Variants in POLA1 observed in about 807,000 individuals in gnomAD.
The protein encoded by POLA1 is DNA polymerase alpha 1, catalytic subunit, also known as DNA polymerase alpha catalytic subunit.
POLA1 carries 15 observed loss-of-function variants against 124.0 expected under a neutral mutation model. The observed-to-expected ratio is 0.12, with a 90% CI of 0.08 to 0.19. The LOEUF (loss-of-function observed/expected upper bound fraction) is 0.19. Ranked by LOEUF, POLA1 falls within the 10% of genes least tolerant of loss-of-function variation. The pLI is 1.00. For missense variants in POLA1, 886 were observed against 1,103.4 expected, an observed-to-expected ratio of 0.80 and a Z score of 2.79; for synonymous variants, 408 against 389.4, an observed-to-expected ratio of 1.05 and a Z score of -0.56.
Position 24,699,407 on chromosome X carries a change from T to C in POLA1, c.44-18T>C, listed in dbSNP as rs1305447590. On this transcript the variant is annotated intron_variant, in intron 1 of 36. Coordinates refer to ENST00000379068, the MANE Select transcript of POLA1 (RefSeq NM_001330360.2). ...ACAATTTTGTAACATCTGTTGTAAATTTTTTTTCTTTTTTCAGCTCTGTCA... is the reference window on the plus strand; with the variant it reads ...ACAATTTTGTAACATCTGTTGTAAACTTTTTTTCTTTTTTCAGCTCTGTCA... The C allele has an allele frequency of 2.7e-6, 3 of 1,125,455 alleles. No individual in the cohort carries two copies. The highest frequency in any genetic ancestry group is 3.6e-5 in the African/African-American group (2 of 54,866). The allele number at this position is 1,125,455 out of a possible 1,213,427, so 92.8% of individuals were successfully genotyped here.
intron 25 of POLA1, 142 bp from the exon 26 acceptor site, chrX:24,748,728 G>A (rs1276686017): frequency 4.7e-6 from 3 of 637,418 alleles, no homozygotes; most frequent in Non-Finnish European, 4.8e-6. Context: ...GGATCCAGGA[G>A]AATGGGTTGA....
At chrX:24,847,759 G>C (rs1372726048) in intron 34 of POLA1, among the ~76,000 whole-genome samples, 2 of 112,082 alleles carry the variant, frequency 1.8e-5, no homozygotes, top group Non-Finnish European at 3.8e-5. Context: ...AGAAGTACGT[G>C]TATCTTGATG....
chrX:24,881,692 C>A (rs1284583286), intron 34 of POLA1, among the ~76,000 whole-genome samples: 1 of 111,588 alleles, frequency 9.0e-6, no homozygotes, highest in African/African-American at 3.3e-5. Flanking sequence ...GGTTAAGAGA[C>A]AGTGCACCGC....
intron 26 of POLA1, among the ~76,000 whole-genome samples, chrX:24,777,777 TC>T (rs2045171261): frequency 8.9e-6 from 1 of 111,935 alleles, no homozygotes; most frequent in African/African-American, 3.3e-5. Context: ...AGAGTTGAGC[TC>T]CTTTCTCTAT....
At chrX:24,867,930 C>T (rs988540218) in intron 34 of POLA1, among the ~76,000 whole-genome samples, 1 of 111,637 alleles carries the variant, frequency 9.0e-6, no homozygotes, top group Admixed American at 9.4e-5. Context: ...AATGATGATA[C>T]CTTGTTAGTA....
intron 36 of POLA1, among the ~76,000 whole-genome samples, chrX:24,952,083 C>T (rs1296909058): frequency 9.0e-6 from 1 of 111,652 alleles, no homozygotes; most frequent in African/African-American, 3.3e-5. Context: ...TTGGTTTGTA[C>T]CATATAAAAT....
rs746788547 is a variant in POLA1, at chrX:24,745,241, G to A, written c.2567-177G>A. Among the ~76,000 whole-genome samples the A allele has an allele frequency of 3.6e-5, 4 of 110,745 alleles. No individual in the cohort carries two copies. The South Asian group carries it at 1.5e-3, about 43-fold the overall frequency. On this transcript the variant is annotated intron_variant, in intron 23 of 36. Coordinates refer to ENST00000379068, the MANE Select transcript of POLA1 (RefSeq NM_001330360.2). ...TTGTGATCTGGCTTTTCACTAATCC[G>A]CATCATTTTATGAAATGGTAGTTGA...
At chrX:24,888,284 T>G (rs1332204031) in intron 35 of POLA1, among the ~76,000 whole-genome samples, 162 bp downstream of exon 35, 1 of 112,398 alleles carries the variant, frequency 8.9e-6, no homozygotes, top group Admixed American at 9.4e-5. Flanking sequence ...ATACATGCTT[T>G]CTTTTTTTCA....
intron 35 of POLA1, among the ~76,000 whole-genome samples, chrX:24,914,050 A>T (rs10126353): frequency 0.083 from 9,128 of 109,433 alleles, 361 homozygotes; most frequent in Non-Finnish European, 0.12. Flanking sequence ...ATAATTTTTT[A>T]AAAAAAGTCA....
chrX:24,877,283 G>A (rs1024686320), intron 34 of POLA1, among the ~76,000 whole-genome samples: 6 of 111,611 alleles, frequency 5.4e-5, no homozygotes, highest in African/African-American at 2.0e-4. Context: ...CATTGAAAGA[G>A]GCAGCTGCAT....
At chrX:24,702,340 AT>A (rs1479776113) in intron 2 of POLA1, among the ~76,000 whole-genome samples, 2 of 112,873 alleles carry the variant, frequency 1.8e-5, no homozygotes, top group African/African-American at 6.4e-5. Context: ...AAGTGCTGGG[AT>A]TACAGGCGTG....
intron 36 of POLA1, among the ~76,000 whole-genome samples, chrX:24,945,757 G>A (rs189804302): frequency 9.0e-6 from 1 of 111,014 alleles, no homozygotes. Context: ...TGTCAAATAT[G>A]CATTAAGTTT....
intron 36 of POLA1, among the ~76,000 whole-genome samples, chrX:24,946,605 A>T (rs1479581305): frequency 1.8e-5 from 2 of 111,186 alleles, no homozygotes; most frequent in African/African-American, 6.6e-5. Flanking sequence ...GCCAACCTCA[A>T]CCCAGTCTCT....
intron 21 of POLA1, 106 bp from the exon 22 acceptor site, chrX:24,741,896 A>G: frequency 1.9e-6 from 1 of 534,559 alleles, no homozygotes; most frequent in Non-Finnish European, 3.0e-6. Flanking sequence ...GACCGTTATT[A>G]GGAATAGTTT....
intron 26 of POLA1, among the ~76,000 whole-genome samples, chrX:24,779,878 C>T (rs1171954837): frequency 8.9e-6 from 1 of 112,018 alleles, no homozygotes; most frequent in Non-Finnish European, 1.9e-5. Flanking sequence ...AGTTTGTCTC[C>T]AAACCCTCCT....
At chrX:24,739,307 T>C (rs1251837284) in intron 19 of POLA1, 68 bp from the exon 20 acceptor site, 2 of 779,276 alleles carry the variant, frequency 2.6e-6, no homozygotes, top group African/African-American at 4.2e-5. Context: ...AGCTTCAAAA[T>C]AGGTTAGAAA....
intron 26 of POLA1, among the ~76,000 whole-genome samples, chrX:24,769,601 G>A (rs2044983760): frequency 9.0e-6 from 1 of 111,663 alleles, no homozygotes; most frequent in Admixed American, 9.5e-5. Flanking sequence ...CAACATCAAG[G>A]TGCCAAAGTT....
At position 24,757,436 on chromosome X, in the gene POLA1, C is replaced by CTTTTTTTTTTTTTTTTTT. The variant is rs66782103; in HGVS notation, c.2964+8448_2964+8465dup. On this transcript the variant is annotated intron_variant, in intron 26 of 36. Transcript: ENST00000379068. Reference sequence around the variant, plus strand: ...ATCTGAAATGCTCCAAAATCTGAAACTTTTTTTTTTTTTTTTTTTTTGAGA... The same window carrying CTTTTTTTTTTTTTTTTTT: ...ATCTGAAATGCTCCAAAATCTGAAACTTTTTTTTTTTTTTTTTTTTTTTTTTTTTTTTTTTTTTTGAGA... Among the ~76,000 whole-genome samples, 147 of 62,120 alleles carry CTTTTTTTTTTTTTTTTTT rather than the reference C, an allele frequency of 2.4e-3. 24 individuals carry two copies. Among genetic ancestry groups the CTTTTTTTTTTTTTTTTTT allele is most frequent in the African/African-American group, 0.011 (134 of 12,210 alleles). 53.9% of individuals were successfully genotyped at this position (62,120 alleles called of 115,157 possible).
chrX:24,865,131 C>G (rs972045536), intron 34 of POLA1, among the ~76,000 whole-genome samples: 1 of 111,702 alleles, frequency 9.0e-6, no homozygotes, highest in East Asian at 2.8e-4. Flanking sequence ...TTTCAGAAAG[C>G]CTCCTCCATA....
Sources: allele counts gnomAD v4.1 joint callset (sites outside exome capture counted in the v4.1 genomes callset), GRCh38; gene constraint gnomAD v4.1.1; transcripts MANE v1.5; gene names NCBI Gene and HGNC (gene_info 2026-07-23, HGNC 2026-07-21).